Variants in CLUL1 observed in about 807,000 individuals in gnomAD.
CLUL1 encodes clusterin like 1, also known as clusterin-like protein 1.
A neutral mutation model predicts 49.4 loss-of-function variants in CLUL1; 43 were observed. That is an observed-to-expected ratio of 0.87 (90% CI 0.68 to 1.12). The LOEUF (loss-of-function observed/expected upper bound fraction) is 1.12. CLUL1 is among the 50% of genes most tolerant of loss of function. The pLI is 0.00. For missense variants in CLUL1, 486 were observed against 544.4 expected, an observed-to-expected ratio of 0.89 and a Z score of 1.07; for synonymous variants, 192 against 184.9, an observed-to-expected ratio of 1.04 and a Z score of -0.31.
chr18:615,321 T>C (rs1171967633), intron 2 of CLUL1, among the ~76,000 whole-genome samples: 1 of 152,186 alleles, frequency 6.6e-6, no homozygotes, highest in Non-Finnish European at 1.5e-5. Context: ...TAAAGTTCTG[T>C]TCTGAGAAAT....
intron 7 of CLUL1, among the ~76,000 whole-genome samples, chr18:635,893 T>C (rs1221609738): frequency 6.6e-6 from 1 of 152,052 alleles, no homozygotes; most frequent in African/African-American, 2.4e-5. Flanking sequence ...CGCGCCACCA[T>C]ACCTGGCTGA....
intron 7 of CLUL1, among the ~76,000 whole-genome samples, chr18:640,942 T>C (rs1198815056): frequency 2.0e-5 from 3 of 152,174 alleles, no homozygotes; most frequent in Non-Finnish European, 4.4e-5. Flanking sequence ...TTACTGGTAC[T>C]GGACATATAC....
chr18:625,299 C>T (rs2073649669), intron 5 of CLUL1, among the ~76,000 whole-genome samples: 1 of 152,046 alleles, frequency 6.6e-6, no homozygotes, highest in Non-Finnish European at 1.5e-5. Flanking sequence ...AACATGTTCC[C>T]ACTAGATAGT....
chr18:613,225 A>G (rs994819066), intron 2 of CLUL1: 21 of 464,056 alleles, frequency 4.5e-5, no homozygotes, highest in Non-Finnish European at 7.3e-5. Context: ...TGCAACCTCT[A>G]CCTCCCAGGT....
At chr18:637,765 A>G (rs886466311) in intron 7 of CLUL1, among the ~76,000 whole-genome samples, 1 of 152,094 alleles carries the variant, frequency 6.6e-6, no homozygotes, top group Non-Finnish European at 1.5e-5. Flanking sequence ...ACCTGCGGTC[A>G]GGAGTTTGAG....
rs1050826306 is a variant in CLUL1 at position 647,992 on chromosome 18, T to C, written c.1398-1906T>C. On this transcript the variant is annotated intron_variant, in intron 9 of 9. Transcript: ENST00000692774. ...TGCCTGGCACAGGGCAAACCCTCAATATTTGTTGAATAAATTAATTAATAA... is the reference window on the plus strand; with the variant it reads ...TGCCTGGCACAGGGCAAACCCTCAACATTTGTTGAATAAATTAATTAATAA... 2.6e-5 allele frequency among the ~76,000 whole-genome samples: 4 copies of C among 152,302 alleles called. No individual in the cohort carries two copies. The East Asian group carries it at 5.8e-4, about 22-fold the overall frequency.
chr18:634,491 A>G (rs564190098), intron 7 of CLUL1, among the ~76,000 whole-genome samples: 7 of 151,884 alleles, frequency 4.6e-5, no homozygotes, highest in Non-Finnish European at 1.0e-4. Flanking sequence ...TTAATTCCCT[A>G]ATTGTTCTTG....
intron 2 of CLUL1, among the ~76,000 whole-genome samples, chr18:615,930 A>C (rs544172534): frequency 2.0e-5 from 3 of 152,354 alleles, no homozygotes; most frequent in East Asian, 1.9e-4. Context: ...GACCAACGTC[A>C]TAGGGCGCCT....
At chr18:626,116 T>C (rs2073682090) in intron 5 of CLUL1, among the ~76,000 whole-genome samples, 2 of 152,158 alleles carry the variant, frequency 1.3e-5, no homozygotes, top group Non-Finnish European at 2.9e-5. Flanking sequence ...AATTCTTTTC[T>C]TTATTTTTTT....
Position 627,408 on chromosome 18 carries a change from T to C in CLUL1, c.735T>C (p.Cys245=), listed in dbSNP as rs566113688. ...EPMTKADLEQ[C]WDIPNFFQLF... is the part of the protein sequence containing the mutation. ...TGACAAAAGCAGATCTTGAGCAATGTTGGGACATTCCCAACTTCTTCCAGC... is the reference window on the plus strand; with the variant it reads ...TGACAAAAGCAGATCTTGAGCAATGCTGGGACATTCCCAACTTCTTCCAGC... The change falls in exon 6 of 10, where the codon TGT becomes TGC. Residue 245 remains cysteine, a synonymous_variant. Coordinates refer to ENST00000692774, the MANE Select transcript of CLUL1 (RefSeq NM_001393344.1). The C allele has an allele frequency of 1.7e-5, 27 of 1,614,088 alleles. No individual in the cohort carries two copies. The highest frequency in any genetic ancestry group is 2.2e-5 in the Non-Finnish European group (26 of 1,180,026).
rs1213608186 is a variant in CLUL1 at position 641,488 on chromosome 18, T to C, written c.1156T>C (p.Ser386Pro). The stretch of plus-strand genomic sequence containing the variant: ...GATGAGAGGGCAATTTGGCTGGGTG[T>C]CTGAACTGGCAAACCAGGCCCCAGA... ...EKMRGQFGWVSELANQAPETE... is the reference protein window; with the variant it reads ...EKMRGQFGWVPELANQAPETE... The change falls in exon 8 of 10, where the codon TCT becomes CCT. Residue 386 changes from serine (S) to proline (P), a missense_variant. Physicochemically the swap from Ser to Pro is moderately conservative, Grantham distance 74 (BLOSUM62 -1). Transcript: ENST00000692774. 1 of 1,614,184 alleles carries C rather than the reference T, an allele frequency of 6.2e-7. No individual in the cohort carries two copies. The highest frequency in any genetic ancestry group is 1.7e-5 in the Admixed American group (1 of 60,024).
At chr18:611,096 A>G (rs2073120891) in intron 2 of CLUL1, among the ~76,000 whole-genome samples, 1 of 151,670 alleles carries the variant, frequency 6.6e-6, no homozygotes, top group South Asian at 2.1e-4. Context: ...TCTCCCTCAC[A>G]CTTTCCTTTC....
At chr18:611,646 G>T (rs1159770450) in intron 2 of CLUL1, among the ~76,000 whole-genome samples, 1 of 152,120 alleles carries the variant, frequency 6.6e-6, no homozygotes, top group Non-Finnish European at 1.5e-5. Flanking sequence ...ACAAATAAAA[G>T]AAGTTGGAGA....
rs140452690 is a variant in CLUL1 at position 649,364 on chromosome 18, C to T, written c.1398-534C>T. 1.9e-4 allele frequency among the ~76,000 whole-genome samples: 29 copies of T among 152,256 alleles called. 1 individual carries two copies. The South Asian group carries it at 3.5e-3, about 19-fold the overall frequency. ...CTGGAACTTTCTTCTAGTTATCTAG[C>T]ATCCTAAGTGCCTGGACGTTCCTGA... On this transcript the variant is annotated intron_variant, in intron 9 of 9. Coordinates refer to ENST00000692774, the MANE Select transcript of CLUL1 (RefSeq NM_001393344.1).
chr18:611,400 T>G (rs2073130246), intron 2 of CLUL1, among the ~76,000 whole-genome samples: 1 of 151,908 alleles, frequency 6.6e-6, no homozygotes, highest in Non-Finnish European at 1.5e-5. Context: ...GGGGATAGAA[T>G]TAAAAGGATT....
chr18:619,116 C>A, intron 3 of CLUL1, 97 bp from the exon 4 acceptor site: 1 of 1,184,986 alleles, frequency 8.4e-7, no homozygotes, highest in African/African-American at 1.5e-5. Context: ...TATAAGAGAA[C>A]AATTAAGCCT....
chr18:614,759 A>G (rs925261782), intron 2 of CLUL1: 1 of 152,256 alleles, frequency 6.6e-6, no homozygotes, highest in Non-Finnish European at 1.5e-5. Flanking sequence ...CTTAGGTTAC[A>G]TAACTGCAGG....
At chr18:613,147 ATT>A (rs57445442) in intron 2 of CLUL1, 16 of 427,338 alleles carry the variant, frequency 3.7e-5, no homozygotes, top group South Asian at 2.4e-4. Context: ...ATTTTATTGT[ATT>A]TTTTTTGAGA....
Position 649,894 on chromosome 18 carries a change from T to A in CLUL1, c.1398-4T>A, listed in dbSNP as rs74954823. ...TCATTGCTGCCTTTTTTTTTTTTTT[T>A]AAGGTAAGAAGATCTAATGCATCCT... On this transcript the variant is annotated splice_polypyrimidine_tract_variant and splice_region_variant and intron_variant, in intron 9 of 9. Transcript: ENST00000692774. 2.9e-5 allele frequency: 39 copies of A among 1,345,668 alleles called. No individual in the cohort carries two copies. The highest frequency in any genetic ancestry group is 1.9e-4 in the Middle Eastern group (1 of 5,362). 83.4% of individuals were successfully genotyped at this position (1,345,668 alleles called of 1,614,324 possible). A position where few individuals can be genotyped will look rare whatever the true frequency, so the allele number is the denominator to read the frequency against.
Sources: gnomAD v4.1 joint callset for allele counts (sites outside exome capture counted in the v4.1 genomes callset) on GRCh38, gnomAD v4.1.1 for gene constraint, MANE v1.5 for transcripts, NCBI Gene and HGNC (gene_info 2026-07-23, HGNC 2026-07-21) for gene names.